ACACB: variants seen among roughly 807,000 people sequenced by gnomAD.
ACACB encodes the protein acetyl-CoA carboxylase beta.
ACACB carries 209 observed loss-of-function variants against 278.8 expected under a neutral mutation model. That is an observed-to-expected ratio of 0.75 (90% CI 0.67 to 0.84). ACACB has a LOEUF of 0.84. ACACB is among the 40% of genes least tolerant of loss of function. The pLI is 0.00. For missense variants in ACACB, 2,850 were observed against 3,269.0 expected (o/e 0.87, Z 3.13); for synonymous variants, 1,174 against 1,285.6 (o/e 0.91, Z 1.86).
chr12:109,253,020 G>A lies in ACACB; in HGVS notation c.5907G>A (p.Leu1969=). The A allele has an allele frequency of 6.2e-7, 1 of 1,606,312 alleles. No individual in the cohort carries two copies. Among genetic ancestry groups the A allele is most frequent in the Non-Finnish European group, 8.5e-7 (1 of 1,175,928 alleles). The change falls in exon 43 of 53, where the codon CTG becomes CTA. Residue 1969 remains leucine, a synonymous_variant. Transcript: ENST00000338432. The stretch of plus-strand genomic sequence containing the variant: ...ACCATGTTGTGTCAAAGCAGGTCCT[G>A]GGAAGAGAGGTCTACACATCCAACA... ...LTGASALNKV[L]GREVYTSNNQ...
rs1002257498 is a variant in ACACB at position 109,139,826 on chromosome 12, G to A, written c.421G>A (p.Gly141Ser). 2 of 1,614,062 alleles carry A rather than the reference G, an allele frequency of 1.2e-6. No homozygotes were observed. The highest frequency in any genetic ancestry group is 1.7e-6 in the Non-Finnish European group (2 of 1,180,030). The change falls in exon 2 of 53, where the codon GGC becomes AGC. Residue 141 changes from glycine to serine, a missense_variant. Coordinates refer to ENST00000338432, the MANE Select transcript of ACACB (RefSeq NM_001093.4). ...CCTGTCCTCCTCAGCCAGGCCCCAG[G>A]GCCAGCAAGCTGGCTCCCCCTCCAA... ...NGLSSSARPQ[G>S]QQAGSPSKED...
In ACACB at chr12:109,175,828, C is replaced by T. The variant is rs554787464; in HGVS notation, c.1217-103C>T. ...TGTCTGTATTCCGCTGGTCCAGAAG[C>T]CCAGGTCTAGCACTATGTCAGCAGG... is the stretch of plus-strand genomic sequence containing the variant. On this transcript the variant is annotated intron_variant, in intron 7 of 52. Transcript: ENST00000338432. The T allele has an allele frequency of 1.5e-5, 14 of 938,518 alleles. 1 individual carries two copies. The South Asian group carries it at 1.9e-4, about 13-fold the overall frequency. The allele number at this position is 938,518 out of a possible 1,614,324, so 58.1% of individuals were successfully genotyped here.
At chr12:109,117,969 C>T (rs1412349216) in intron 1 of ACACB, among the ~76,000 whole-genome samples, 4 of 152,112 alleles carry the variant, frequency 2.6e-5, no homozygotes, top group African/African-American at 9.7e-5. Flanking sequence ...AGGATGGTCT[C>T]GATCTCCTGA....
At chr12:109,145,801 C>T (rs1300629541) in intron 2 of ACACB, among the ~76,000 whole-genome samples, 1 of 151,382 alleles carries the variant, frequency 6.6e-6, no homozygotes, top group Non-Finnish European at 1.5e-5. Flanking sequence ...GAGTTTGAGA[C>T]CAGCCTGGCC....
chr12:109,189,595 T>A (rs1406740358), intron 13 of ACACB, among the ~76,000 whole-genome samples: 1 of 152,136 alleles, frequency 6.6e-6, no homozygotes, highest in East Asian at 1.9e-4. Flanking sequence ...GACTTCTCAG[T>A]GCTAAAATGG....
At chr12:109,229,410 A>C (rs1169426183) in intron 28 of ACACB, among the ~76,000 whole-genome samples, 1 of 151,990 alleles carries the variant, frequency 6.6e-6, no homozygotes, top group African/African-American at 2.4e-5. Flanking sequence ...AGTCCTTTCC[A>C]CAGCATTCAG....
chr12:109,259,045 A>G lies in ACACB; in HGVS notation c.6433A>G (p.Asn2145Asp), dbSNP rs2047308134. 1 of 1,614,000 alleles carries G rather than the reference A, an allele frequency of 6.2e-7. No individual in the cohort carries two copies. Among genetic ancestry groups the G allele is most frequent in the Admixed American group, 1.7e-5 (1 of 60,008 alleles). Residue 2145 changes from asparagine to aspartate, a missense_variant, in exon 47 of 53, where the codon AAC becomes GAC. Asn to Asp is a conservative substitution (Grantham distance 23). Transcript: ENST00000338432. ...AACCGCCCAGGCCGTCAAGGACTTCAACCGGGAGAAGTTGCCCCTGATGAT... is the reference window on the plus strand; with the variant it reads ...AACCGCCCAGGCCGTCAAGGACTTCGACCGGGAGAAGTTGCCCCTGATGAT... ...YKTAQAVKDF[N>D]REKLPLMIFA...
Position 109,246,172 on chromosome 12 carries a change from T to C in ACACB, c.5302-7T>C, listed in dbSNP as rs1381521069. ...TCATTTTCCTTGTGCATTCATCCCCTTGCCAGGTGGGCATGGTGGCCTTCA... is the reference window on the plus strand; with the variant it reads ...TCATTTTCCTTGTGCATTCATCCCCCTGCCAGGTGGGCATGGTGGCCTTCA... On this transcript the variant is annotated splice_region_variant and splice_polypyrimidine_tract_variant and intron_variant, in intron 38 of 52. Coordinates refer to ENST00000338432, the MANE Select transcript of ACACB (RefSeq NM_001093.4). The C allele has an allele frequency of 8.7e-6, 14 of 1,606,982 alleles. No individual in the cohort carries two copies. The highest frequency in any genetic ancestry group is 1.2e-5 in the Non-Finnish European group (14 of 1,174,214).
In ACACB at chr12:109,254,205, C is replaced by CT; in HGVS notation, c.6046-3dup. Reference sequence around the variant, plus strand: ...CAGACTAAGTCAGAGACTTGGCTTTCTTTTTTAGGATAATCACAGCCCTGT... The same window carrying CT: ...CAGACTAAGTCAGAGACTTGGCTTTCTTTTTTTAGGATAATCACAGCCCTGT... On this transcript the variant is annotated splice_polypyrimidine_tract_variant and intron_variant, in intron 43 of 52. Coordinates refer to ENST00000338432, the MANE Select transcript of ACACB (RefSeq NM_001093.4). 6.2e-7 allele frequency: 1 copy of CT among 1,613,504 alleles called. No homozygotes were observed.
Position 109,216,850 on chromosome 12 carries a change from C to T in ACACB, c.3494C>T (p.Ser1165Phe). Residue 1165 changes from serine (S) to phenylalanine (F), a missense_variant, in exon 24 of 53, where the codon TCC (serine) becomes TTC (phenylalanine). By Grantham distance (155) the Ser-to-Phe change is radical. Coordinates refer to ENST00000338432, the MANE Select transcript of ACACB (RefSeq NM_001093.4). ...AGGGAGCAGTTCAAGCCAGACATGT[C>T]CCAGGTGCTGGACTGCATCTTCTCC... ...NLREQFKPDM[S>F]QVLDCIFSHA... is the part of the protein sequence containing the mutation. 1 of 1,614,136 alleles carries T rather than the reference C, an allele frequency of 6.2e-7. No homozygotes were observed. The highest frequency in any genetic ancestry group is 8.5e-7 in the Non-Finnish European group (1 of 1,180,030).
At chr12:109,258,128 T>G in intron 45 of ACACB, 140 bp from the exon 46 acceptor site, 5 of 648,144 alleles carry the variant, frequency 7.7e-6, no homozygotes, top group South Asian at 6.2e-5. Flanking sequence ...TTTGGGGGCT[T>G]TTTCTTTGCC....
intron 9 of ACACB, among the ~76,000 whole-genome samples, chr12:109,178,418 T>G (rs35844029): frequency 0.01 from 1,576 of 152,324 alleles, 10 homozygotes; most frequent in Non-Finnish European, 0.015. Context: ...CACAGATTAG[T>G]GTGTTTTGGT....
rs73398091 is a variant in ACACB, at chr12:109,246,160, G to A, written c.5302-19G>A. The A allele has an allele frequency of 3.5e-3, 5,557 of 1,599,284 alleles. 142 individuals carry two copies. The African/African-American group carries it at 0.063, about 18-fold the overall frequency. ...AAAGAAACAAACTCATTTTCCTTGTGCATTCATCCCCTTGCCAGGTGGGCA... is the reference window on the plus strand; with the variant it reads ...AAAGAAACAAACTCATTTTCCTTGTACATTCATCCCCTTGCCAGGTGGGCA... On this transcript the variant is annotated intron_variant, in intron 38 of 52. Coordinates refer to ENST00000338432, the MANE Select transcript of ACACB (RefSeq NM_001093.4).
chr12:109,231,538 A>G (rs1285511331), intron 28 of ACACB, among the ~76,000 whole-genome samples: 1 of 152,132 alleles, frequency 6.6e-6, no homozygotes. Context: ...GTGATTTCAG[A>G]GCACCCAACA....
intron 16 of ACACB, among the ~76,000 whole-genome samples, chr12:109,196,621 C>T (rs866636302): frequency 1.4e-4 from 21 of 152,258 alleles, no homozygotes; most frequent in South Asian, 1.2e-3. Context: ...ATGAATTTTG[C>T]GGGGACACAA....
At chr12:109,161,265 C>G (rs551367945) in intron 2 of ACACB, among the ~76,000 whole-genome samples, 1 of 152,200 alleles carries the variant, frequency 6.6e-6, no homozygotes, top group Non-Finnish European at 1.5e-5. Flanking sequence ...GCAAGGAGTC[C>G]AGTTGTGGGG....
At chr12:109,190,179 C>A (rs2044817476) in intron 13 of ACACB, among the ~76,000 whole-genome samples, 1 of 152,168 alleles carries the variant, frequency 6.6e-6, no homozygotes, top group Non-Finnish European at 1.5e-5. Context: ...GATACCTGCC[C>A]ACACTCACCA....
chr12:109,193,892 CT>C (rs1471981022), intron 16 of ACACB, among the ~76,000 whole-genome samples, 163 bp downstream of exon 16: 1 of 152,222 alleles, frequency 6.6e-6, no homozygotes, highest in East Asian at 1.9e-4. Flanking sequence ...CACCTAAACA[CT>C]TTGGCTTTTA....
intron 46 of ACACB, 145 bp downstream of exon 46, chr12:109,258,509 G>T: frequency 1.6e-6 from 1 of 627,354 alleles, no homozygotes; most frequent in East Asian, 2.8e-5. Context: ...GGGGGGCTCA[G>T]TGCCTGTTTC....
Sources: allele counts gnomAD v4.1 joint callset (sites outside exome capture counted in the v4.1 genomes callset), GRCh38; gene constraint gnomAD v4.1.1; transcripts MANE v1.5; gene names NCBI Gene and HGNC (gene_info 2026-07-23, HGNC 2026-07-21).